YWHAQ: variants seen among roughly 807,000 people sequenced by gnomAD.
YWHAQ encodes 14-3-3 protein theta.
A neutral mutation model predicts 28.3 loss-of-function variants in YWHAQ; 6 were observed. The observed-to-expected ratio is 0.21, with a 90% CI of 0.12 to 0.42. The LOEUF (loss-of-function observed/expected upper bound fraction) is 0.42. YWHAQ is among the 10% of genes least tolerant of loss of function. The pLI is 1.00. For synonymous variants in YWHAQ, 143 were observed against 119.1 expected, an observed-to-expected ratio of 1.20 and a Z score of -1.31; for missense variants, 201 against 305.6, an observed-to-expected ratio of 0.66 and a Z score of 2.55.
chr2:9,627,357 T>C lies in YWHAQ; in HGVS notation c.294+2802A>G, dbSNP rs186191568. 1.2e-4 allele frequency among the ~76,000 whole-genome samples: 18 copies of C among 152,328 alleles called. No individual in the cohort carries two copies. The East Asian group carries it at 3.5e-3, about 29-fold the overall frequency. ...CTCCACACCAAATCTTTCTTCCTGT[T>C]CACCAAAGGAAAAAAAGAAAACCCT... On this transcript the variant is annotated intron_variant, in intron 2 of 5. Transcript: ENST00000238081.
At chr2:9,621,874 A>G (rs1573005415) in intron 2 of YWHAQ, among the ~76,000 whole-genome samples, 1 of 152,238 alleles carries the variant, frequency 6.6e-6, no homozygotes, top group Non-Finnish European at 1.5e-5. Flanking sequence ...GGATGAGTTC[A>G]TGTCCTTTGC....
chr2:9,630,304 T>G lies in YWHAQ; in HGVS notation c.149A>C (p.Asn50Thr). ...GGCGGACCTGCGGCCCCCGACCACG[T>G]TCTTGTAGGCCACGGAGAGCAGGTT... ...ERNLLSVAYKNVVGGRRSAWR... is the reference protein window; with the variant it reads ...ERNLLSVAYKTVVGGRRSAWR... Residue 50 changes from asparagine to threonine, a missense_variant, in exon 2 of 6, where the codon AAC becomes ACC. Physicochemically the swap from Asn to Thr is moderately conservative, Grantham distance 65. Coordinates refer to ENST00000238081, the MANE Select transcript of YWHAQ (RefSeq NM_006826.4). This position sits in a 1 kb window ranked among gnomAD's most constrained non-coding sequence, Gnocchi z 5.6. 1 of 1,614,126 alleles carries G rather than the reference T, an allele frequency of 6.2e-7. No homozygotes were observed. Among genetic ancestry groups the G allele is most frequent in the Non-Finnish European group, 8.5e-7 (1 of 1,180,030 alleles).
intron 2 of YWHAQ, among the ~76,000 whole-genome samples, chr2:9,602,857 AAAAAAATATATATATATATATATAT>A (rs1666735999): frequency 7.0e-5 from 1 of 14,234 alleles, no homozygotes; most frequent in Non-Finnish European, 1.5e-4. Flanking sequence ...AAAAAAAAAA[AAAAAAATATATATATATATATATAT>A]ATATATATAT....
intron 2 of YWHAQ, among the ~76,000 whole-genome samples, chr2:9,622,537 G>GC (rs1667162252): frequency 6.6e-6 from 1 of 152,076 alleles, no homozygotes; most frequent in Non-Finnish European, 1.5e-5. Context: ...GTACCTATGC[G>GC]CCTTGGCCCC....
chr2:9,629,660 C>T (rs1438374360), intron 2 of YWHAQ, among the ~76,000 whole-genome samples: 1 of 152,302 alleles, frequency 6.6e-6, no homozygotes, highest in Non-Finnish European at 1.5e-5. Context: ...TGGGGGGGAG[C>T]ACAACAGATA....
chr2:9,598,922 G>A (rs146816438), intron 2 of YWHAQ, among the ~76,000 whole-genome samples: 39 of 152,308 alleles, frequency 2.6e-4, no homozygotes, highest in African/African-American at 8.9e-4. Flanking sequence ...AGTGAGGAAG[G>A]CATGTCGAAA....
At chr2:9,614,607 T>A (rs1268070693) in intron 2 of YWHAQ, among the ~76,000 whole-genome samples, 1 of 152,208 alleles carries the variant, frequency 6.6e-6, no homozygotes, top group Non-Finnish European at 1.5e-5. Context: ...CTTGCTAGCT[T>A]AGTATATATG....
chr2:9,590,088 A>C (rs1002032393), intron 3 of YWHAQ, among the ~76,000 whole-genome samples: 1 of 152,218 alleles, frequency 6.6e-6, no homozygotes, highest in African/African-American at 2.4e-5. Flanking sequence ...TAGGCTATAA[A>C]GACAGCCTAT....
chr2:9,603,921 T>C (rs1019558887), intron 2 of YWHAQ, among the ~76,000 whole-genome samples: 3 of 152,034 alleles, frequency 2.0e-5, no homozygotes, highest in African/African-American at 7.2e-5. Context: ...TGACACTCCA[T>C]CTCAACAACA....
chr2:9,606,696 A>G (rs1465119387), intron 2 of YWHAQ, among the ~76,000 whole-genome samples: 1 of 151,916 alleles, frequency 6.6e-6, no homozygotes, highest in Non-Finnish European at 1.5e-5. Context: ...CACTGGGCTA[A>G]TTTCTGTATT....
rs757743062 is a variant in YWHAQ, at chr2:9,591,258, A to C, written c.418+134T>G. 1.8e-5 allele frequency: 20 copies of C among 1,088,560 alleles called. No homozygotes were observed. The Admixed American group carries it at 2.5e-4, about 14-fold the overall frequency. 67.4% of individuals were successfully genotyped at this position (1,088,560 alleles called of 1,614,324 possible). On this transcript the variant is annotated intron_variant, in intron 3 of 5. Coordinates refer to ENST00000238081, the MANE Select transcript of YWHAQ (RefSeq NM_006826.4). ...TTCATTTTTGAGAACATAAGGTAAT[A>C]CTAATTTTCTTGACATACATTCAAT... is the stretch of plus-strand genomic sequence containing the variant.
At chr2:9,629,038 T>C (rs1263407908) in intron 2 of YWHAQ, 3 of 109,646 alleles carry the variant, frequency 2.7e-5, no homozygotes, top group Non-Finnish European at 5.3e-5. Context: ...ACCATTCTGA[T>C]GAGATGAAGA....
Position 9,630,010 on chromosome 2 carries a change from A to G in YWHAQ, c.294+149T>C. On this transcript the variant is annotated intron_variant, in intron 2 of 5. Transcript: ENST00000238081. This position sits in a 1 kb window ranked among gnomAD's most constrained non-coding sequence, Gnocchi z 5.6. Reference sequence around the variant, plus strand: ...CTTGAGTCTCAACAACCGGAGGGACACAGTAGGGAAGTCAGGGCTCACCTA... The same window carrying G: ...CTTGAGTCTCAACAACCGGAGGGACGCAGTAGGGAAGTCAGGGCTCACCTA... 1.0e-6 allele frequency: 1 copy of G among 990,780 alleles called. No homozygotes were observed. The highest frequency in any genetic ancestry group is 1.5e-6 in the Non-Finnish European group (1 of 688,020). 61.4% of individuals were successfully genotyped at this position (990,780 alleles called of 1,614,324 possible).
rs1327489371 is a variant in YWHAQ, at chr2:9,630,728, C to A, written c.-82-194G>T. On this transcript the variant is annotated intron_variant, in intron 1 of 5. Coordinates refer to ENST00000238081, the MANE Select transcript of YWHAQ (RefSeq NM_006826.4). This position sits in a 1 kb window ranked among gnomAD's most constrained non-coding sequence, Gnocchi z 5.6. Reference sequence around the variant, plus strand: ...GAGGAGGCGGGGGCGGCGCGGAGGCCCCGCGCGCAGGGAGCCCGAGCCGCG... The same window carrying A: ...GAGGAGGCGGGGGCGGCGCGGAGGCACCGCGCGCAGGGAGCCCGAGCCGCG... The A allele has an allele frequency of 1.2e-5, 2 of 168,114 alleles. No homozygotes were observed. The highest frequency in any genetic ancestry group is 3.2e-4 in the East Asian group (2 of 6,272). The allele number at this position is 168,114 out of a possible 1,614,324, so 10.4% of individuals were successfully genotyped here. A position where few individuals can be genotyped will look rare whatever the true frequency, so the allele number is the denominator to read the frequency against.
Position 9,617,423 on chromosome 2 carries a change from T to C in YWHAQ, c.294+12736A>G, listed in dbSNP as rs541325621. On this transcript the variant is annotated intron_variant, in intron 2 of 5. Coordinates refer to ENST00000238081, the MANE Select transcript of YWHAQ (RefSeq NM_006826.4). ...CACTTATATGAGGTACCTAGAGTAG[T>C]CAAATTCATAGAAAGTAGAATGGTG... Among the ~76,000 whole-genome samples the C allele has an allele frequency of 7.9e-5, 12 of 152,226 alleles. No individual in the cohort carries two copies. In the East Asian group the frequency reaches 2.3e-3, roughly 29 times the overall value.
intron 5 of YWHAQ, 80 bp downstream of exon 5, chr2:9,587,333 TA>T: frequency 1.5e-6 from 2 of 1,306,156 alleles, no homozygotes; most frequent in East Asian, 2.5e-5. Context: ...GTATCTTCCC[TA>T]AAAGACACGA....
chr2:9,603,104 G>A (rs558454554), intron 2 of YWHAQ, among the ~76,000 whole-genome samples: 1 of 151,362 alleles, frequency 6.6e-6, no homozygotes, highest in South Asian at 2.1e-4. Context: ...TTTTCAATAG[G>A]TAAACATTCA....
chr2:9,593,740 A>C (rs774993902), intron 2 of YWHAQ, among the ~76,000 whole-genome samples: 7 of 151,878 alleles, frequency 4.6e-5, no homozygotes, highest in Admixed American at 1.3e-4. Flanking sequence ...AGGCAGAAGG[A>C]AGGCTTAAAC....
intron 5 of YWHAQ, among the ~76,000 whole-genome samples, chr2:9,585,555 GACATACATACAT>G (rs552606855): frequency 1.3e-5 from 2 of 151,954 alleles, no homozygotes; most frequent in African/African-American, 4.8e-5. Flanking sequence ...CTTACAAAAT[GACATACATACAT>G]ACATACATAT....
Sources: gnomAD v4.1 joint callset for allele counts (sites outside exome capture counted in the v4.1 genomes callset) on GRCh38, gnomAD v4.1.1 for gene constraint, Gnocchi (gnomAD v3.1) non-coding constraint, MANE v1.5 for transcripts, NCBI Gene and HGNC (gene_info 2026-07-23, HGNC 2026-07-21) for gene names.